CUBN: variants seen among roughly 807,000 people sequenced by gnomAD.
The protein encoded by CUBN is 460 kDa receptor.
In CUBN, 282 loss-of-function variants were observed where a neutral mutation model predicts 405.3. That is an observed-to-expected ratio of 0.70 (90% CI 0.63 to 0.77). The LOEUF is 0.77. CUBN is among the 30% of genes least tolerant of loss of function. CUBN has a pLI of 0.00. For missense variants in CUBN, 4,514 were observed against 4,475.2 expected, an observed-to-expected ratio of 1.01 and a Z score of -0.25; for synonymous variants, 1,684 against 1,617.0, an observed-to-expected ratio of 1.04 and a Z score of -0.99.
intron 13 of CUBN, among the ~76,000 whole-genome samples, chr10:17,102,417 C>A (rs1305150982): frequency 6.9e-6 from 1 of 145,918 alleles, no homozygotes; most frequent in Non-Finnish European, 1.5e-5. Context: ...CTCCCGAGTA[C>A]CTGAGATTAA....
intron 59 of CUBN, among the ~76,000 whole-genome samples, chr10:16,861,012 A>C (rs1839996871): frequency 6.6e-6 from 1 of 151,524 alleles, no homozygotes; most frequent in Non-Finnish European, 1.5e-5. Context: ...GCCTTTGCAT[A>C]TCTCTCCTCT....
In CUBN at chr10:16,986,886, G is replaced by A. The variant is rs529594478; in HGVS notation, c.4351-2607C>T. 4.8e-4 allele frequency among the ~76,000 whole-genome samples: 73 copies of A among 152,262 alleles called. 1 individual carries two copies. Among genetic ancestry groups the A allele is most frequent in the South Asian group, 1.0e-3 (5 of 4,820 alleles). On this transcript the variant is annotated intron_variant, in intron 29 of 66. Transcript: ENST00000377833. ...AAGTTCTAACAAAGAAAACTCGCAC[G>A]TCGGCAAAATATTCTTTGTTTTCTC...
At chr10:16,871,102 A>C (rs947154821) in intron 58 of CUBN, among the ~76,000 whole-genome samples, 12 of 151,300 alleles carry the variant, frequency 7.9e-5, no homozygotes, top group African/African-American at 2.7e-4. Flanking sequence ...ATCTCAGCTC[A>C]CTGCAACCTC....
At chr10:16,921,515 C>A (rs1474568283) in intron 43 of CUBN, among the ~76,000 whole-genome samples, 1 of 152,232 alleles carries the variant, frequency 6.6e-6, no homozygotes, top group Non-Finnish European at 1.5e-5. Flanking sequence ...AGTCACCTCA[C>A]AGTTATATGC....
chr10:16,947,058 A>C (rs1196979222), intron 36 of CUBN, among the ~76,000 whole-genome samples, 177 bp downstream of exon 36: 1 of 152,202 alleles, frequency 6.6e-6, no homozygotes, highest in Non-Finnish European at 1.5e-5. Context: ...CCCAAGAACC[A>C]TGGTCGAGAG....
At chr10:17,023,519 AG>A (rs1588591269) in intron 27 of CUBN, 1 of 432,204 alleles carries the variant, frequency 2.3e-6, no homozygotes, top group Non-Finnish European at 4.8e-6. Context: ...CCACACAAAA[AG>A]GAACAGTCAT....
chr10:16,969,229 A>G (rs916312765), intron 31 of CUBN, among the ~76,000 whole-genome samples: 1 of 143,496 alleles, frequency 7.0e-6, no homozygotes, highest in Non-Finnish European at 1.6e-5. Context: ...AGGAGCAGAG[A>G]TGACAAAAAT....
chr10:17,109,062 A>G (rs1312357122), intron 10 of CUBN, among the ~76,000 whole-genome samples: 2 of 152,254 alleles, frequency 1.3e-5, no homozygotes, highest in South Asian at 4.1e-4. Flanking sequence ...AGATGGAGTA[A>G]ATATGTATTT....
At chr10:17,018,778 C>G (rs184562762) in intron 28 of CUBN, among the ~76,000 whole-genome samples, 1 of 152,038 alleles carries the variant, frequency 6.6e-6, no homozygotes, top group Non-Finnish European at 1.5e-5. Context: ...TTTTACAGAC[C>G]GCTGATTGGT....
chr10:17,119,570 G>A (rs1326344723), intron 6 of CUBN, among the ~76,000 whole-genome samples: 2 of 152,196 alleles, frequency 1.3e-5, no homozygotes, highest in African/African-American at 4.8e-5. Flanking sequence ...TGAGGTAGGA[G>A]AATTGCTTGT....
intron 22 of CUBN, among the ~76,000 whole-genome samples, chr10:17,049,652 G>A (rs1044327273): frequency 2.0e-5 from 3 of 152,120 alleles, no homozygotes; most frequent in Non-Finnish European, 4.4e-5. Context: ...GTAAACTACA[G>A]TTCTTGATGT....
intron 31 of CUBN, among the ~76,000 whole-genome samples, chr10:16,959,245 ACCT>A (rs1843154222): frequency 6.6e-6 from 1 of 152,104 alleles, no homozygotes; most frequent in African/African-American, 2.4e-5. Context: ...AAATTTTGAA[ACCT>A]CAGGCTATCA....
rs1842165164 is a variant in CUBN, at chr10:16,925,645, A to G, written c.6401T>C (p.Phe2134Ser). The G allele has an allele frequency of 6.2e-7, 1 of 1,613,962 alleles. No individual in the cohort carries two copies. Among genetic ancestry groups the G allele is most frequent in the Non-Finnish European group, 8.5e-7 (1 of 1,179,978 alleles). The change falls in exon 42 of 67, where the codon TTT becomes TCT. Residue 2134 changes from phenylalanine to serine, a missense_variant. Coordinates refer to ENST00000377833, the MANE Select transcript of CUBN (RefSeq NM_001081.4). Reference protein sequence around the residue: ...VQSGLTIAVHFEQPFQIPNGD... With the variant: ...VQSGLTIAVHSEQPFQIPNGD... ...ATTTGGAATCTGGAAAGGCTGTTCA[A>G]AATGGACAGCAATGGTCAGGCCACT...
At chr10:16,858,882 G>C (rs1839938056) in intron 59 of CUBN, among the ~76,000 whole-genome samples, 1 of 152,196 alleles carries the variant, frequency 6.6e-6, no homozygotes, top group Admixed American at 6.5e-5. Context: ...AGGAAGGACA[G>C]CCTTTTCAAC....
At chr10:16,914,958 T>G in intron 47 of CUBN, 74 bp downstream of exon 47, 2 of 1,330,664 alleles carry the variant, frequency 1.5e-6, no homozygotes, top group Non-Finnish European at 2.1e-6. Context: ...TCAAATATTT[T>G]AACACTGGTG....
At position 16,824,529 on chromosome 10, in the gene CUBN, T is replaced by C. The variant is rs1315458918; in HGVS notation, c.*446A>G. ...TATTGATTCTGGTTTTTTTTGTTTC[T>C]TTTTTTTTTGAGATGGAGTCTTGCC... is the stretch of plus-strand genomic sequence containing the variant. On this transcript the variant is annotated 3_prime_UTR_variant, in exon 67 of 67. Transcript: ENST00000377833. 1 of 156,858 alleles carries C rather than the reference T, an allele frequency of 6.4e-6. No homozygotes were observed. Among genetic ancestry groups the C allele is most frequent in the Non-Finnish European group, 1.4e-5 (1 of 71,410 alleles). 9.7% of individuals were successfully genotyped at this position (156,858 alleles called of 1,614,324 possible). A position where few individuals can be genotyped will look rare whatever the true frequency, so the allele number is the denominator to read the frequency against.
intron 24 of CUBN, 73 bp downstream of exon 24, chr10:17,045,861 A>G: frequency 6.8e-7 from 1 of 1,471,554 alleles, no homozygotes; most frequent in Non-Finnish European, 9.5e-7. Context: ...TGAGGGACAG[A>G]GCATGACAAT....
At chr10:17,098,221 A>G (rs1836417863) in intron 14 of CUBN, among the ~76,000 whole-genome samples, 1 of 152,212 alleles carries the variant, frequency 6.6e-6, no homozygotes, top group Non-Finnish European at 1.5e-5. Flanking sequence ...TATTCAGCCC[A>G]GTCCAGCCTT....
At chr10:17,032,641 T>C (rs557417737) in intron 27 of CUBN, among the ~76,000 whole-genome samples, 2 of 152,318 alleles carry the variant, frequency 1.3e-5, no homozygotes, top group African/African-American at 4.8e-5. Flanking sequence ...CAAAATAACA[T>C]CTGAGATGCG....
Sources: allele counts gnomAD v4.1 joint callset (sites outside exome capture counted in the v4.1 genomes callset), GRCh38; gene constraint gnomAD v4.1.1; transcripts MANE v1.5; gene names NCBI Gene and HGNC (gene_info 2026-07-23, HGNC 2026-07-21).